The following DOP1B variants were observed in gnomAD, a reference collection of about 807,000 sequenced individuals.
DOP1B encodes DOP1 leucine zipper like protein B, also known as protein DOP1B.
A neutral mutation model predicts 233.5 loss-of-function variants in DOP1B; 174 were observed. The observed-to-expected ratio is 0.75, with a 90% confidence interval of 0.66 to 0.85. The LOEUF (loss-of-function observed/expected upper bound fraction) is 0.85. DOP1B is among the 40% of genes least tolerant of loss of function. The pLI is 0.00. For synonymous variants in DOP1B, 1,190 were observed against 1,185.6 expected (o/e 1.00, Z -0.08); for missense variants, 2,652 against 2,846.6 (o/e 0.93, Z 1.56).
intron 15 of DOP1B, among the ~76,000 whole-genome samples, chr21:36,233,998 C>T (rs2066797539): frequency 6.6e-6 from 1 of 152,038 alleles, no homozygotes; most frequent in Non-Finnish European, 1.5e-5. Context: ...GGACTACAGG[C>T]ACCTGCCACC....
chr21:36,203,681 A>G (rs1008646817), intron 4 of DOP1B, among the ~76,000 whole-genome samples: 11 of 152,100 alleles, frequency 7.2e-5, no homozygotes, highest in African/African-American at 2.7e-4. Flanking sequence ...TAGAAATTGC[A>G]AAGTGGTGAG....
intron 23 of DOP1B, among the ~76,000 whole-genome samples, chr21:36,258,154 A>G (rs1046739974): frequency 6.6e-6 from 1 of 152,158 alleles, no homozygotes; most frequent in African/African-American, 2.4e-5. Flanking sequence ...TCACTCCTGT[A>G]ATCCCAGCAC....
At chr21:36,252,316 G>A (rs1226002290) in intron 22 of DOP1B, among the ~76,000 whole-genome samples, 1 of 151,502 alleles carries the variant, frequency 6.6e-6, no homozygotes, top group African/African-American at 2.4e-5. Flanking sequence ...TTGTTAGCTG[G>A]GCATGGTGGT....
Position 36,231,688 on chromosome 21 carries a change from T to G in DOP1B, c.2350+554T>G, listed in dbSNP as rs191574312. On this transcript the variant is annotated intron_variant, in intron 14 of 36. Transcript: ENST00000691173. Reference sequence around the variant, plus strand: ...TGTGTTGGGTTTTTTTGTTTTTTTTTTTTTTTTGAGACAGGGTCTGGCTCT... The same window carrying G: ...TGTGTTGGGTTTTTTTGTTTTTTTTGTTTTTTTGAGACAGGGTCTGGCTCT... Among the ~76,000 whole-genome samples the G allele has an allele frequency of 3.3e-5, 5 of 150,650 alleles. No individual in the cohort carries two copies. In the East Asian group the frequency reaches 5.8e-4, roughly 18 times the overall value.
intron 2 of DOP1B, among the ~76,000 whole-genome samples, chr21:36,184,059 C>CT (rs1158076304): frequency 1.3e-5 from 2 of 149,606 alleles, no homozygotes; most frequent in African/African-American, 4.9e-5. Flanking sequence ...TCTATTTTAT[C>CT]TTTTTTTGAG....
chr21:36,168,685 C>T (rs1181680250), intron 2 of DOP1B, among the ~76,000 whole-genome samples: 1 of 151,938 alleles, frequency 6.6e-6, no homozygotes, highest in South Asian at 2.1e-4. Context: ...AGCGACCATG[C>T]CTGGCTAATT....
chr21:36,162,502 A>G (rs1352430902), intron 1 of DOP1B, among the ~76,000 whole-genome samples: 1 of 152,124 alleles, frequency 6.6e-6, no homozygotes, highest in Non-Finnish European at 1.5e-5. Context: ...CCCTTTTAAA[A>G]GAGCACTAAT....
At chr21:36,277,904 A>G (rs970104931) in intron 28 of DOP1B, 71 bp from the exon 29 acceptor site, 106 of 1,250,174 alleles carry the variant, frequency 8.5e-5, no homozygotes, top group Non-Finnish European at 8.2e-6. Context: ...AGCCTCCCGA[A>G]GTGCTGGGAT....
chr21:36,243,172 G>T (rs2066911735), intron 18 of DOP1B, among the ~76,000 whole-genome samples: 1 of 151,556 alleles, frequency 6.6e-6, no homozygotes, highest in African/African-American at 2.4e-5. Flanking sequence ...TAGAGATGGG[G>T]TTTCGCCATG....
Position 36,230,518 on chromosome 21 carries a change from T to C in DOP1B, c.1734T>C (p.Asp578=), listed in dbSNP as rs1601430474. The C allele has an allele frequency of 3.1e-6, 5 of 1,613,884 alleles. No individual in the cohort carries two copies. The highest frequency in any genetic ancestry group is 4.5e-5 in the East Asian group (2 of 44,860). ...ETKAVIPGDE[D]ASFPPLKSED... The stretch of plus-strand genomic sequence containing the variant: ...AGGCAGTGATTCCCGGTGACGAAGA[T>C]GCTTCGTTTCCCCCTCTGAAGTCTG... Residue 578 remains aspartate, a synonymous_variant, in exon 14 of 37, where the codon GAT becomes GAC. Coordinates refer to ENST00000691173, the MANE Select transcript of DOP1B (RefSeq NM_001320714.2).
At position 36,161,511 on chromosome 21, in the gene DOP1B, GTGT is replaced by G. The variant is rs1050050098; in HGVS notation, c.-26-3183_-26-3181del. On this transcript the variant is annotated intron_variant, in intron 1 of 36. Transcript: ENST00000691173. ...AAAATTCATTCAAGTGTATAATTCAGTGTTGTTGTTGTTGTTTTTGAGACAGGG... is the reference window on the plus strand; with the variant it reads ...AAAATTCATTCAAGTGTATAATTCAGTGTTGTTGTTGTTTTTGAGACAGGG... Among the ~76,000 whole-genome samples, 77 of 152,158 alleles carry G rather than the reference GTGT, an allele frequency of 5.1e-4. 1 individual carries two copies. Among genetic ancestry groups the G allele is most frequent in the Admixed American group, 3.9e-4 (6 of 15,262 alleles).
Position 36,246,405 on chromosome 21 carries a change from C to A in DOP1B, c.4425C>A (p.Ala1475=). The A allele has an allele frequency of 6.2e-7, 1 of 1,613,456 alleles. No homozygotes were observed. The highest frequency in any genetic ancestry group is 1.1e-5 in the South Asian group (1 of 91,032). The change falls in exon 19 of 37, where the codon GCC becomes GCA. Residue 1475 remains alanine, a synonymous_variant. Coordinates refer to ENST00000691173, the MANE Select transcript of DOP1B (RefSeq NM_001320714.2). The surrounding 1 kb of genome is among the most constrained non-coding windows in gnomAD (Gnocchi z 5.1). ...ACCTGTCCCGGGAGTGGCAGAGAGC[C>A]CTGAACTTCCAGCAGGCCATCAGCG... ...QPDLSREWQR[A]LNFQQAISAL... is the part of the protein sequence containing the mutation.
At chr21:36,251,095 G>T in intron 21 of DOP1B, 67 bp from the exon 22 acceptor site, 1 of 1,556,280 alleles carries the variant, frequency 6.4e-7, no homozygotes. Context: ...AGCAGTGGTG[G>T]TTCAATGTAT....
intron 10 of DOP1B, among the ~76,000 whole-genome samples, chr21:36,220,381 C>G (rs1234724945): frequency 6.6e-6 from 1 of 152,132 alleles, no homozygotes; most frequent in African/African-American, 2.4e-5. Context: ...CAGAGAAAAC[C>G]ATAAAACATT....
At chr21:36,167,689 C>T (rs2065925710) in intron 2 of DOP1B, among the ~76,000 whole-genome samples, 3 of 152,096 alleles carry the variant, frequency 2.0e-5, no homozygotes, top group African/African-American at 7.2e-5. Context: ...CGTACCCATT[C>T]AGCAGTTCCT....
intron 26 of DOP1B, among the ~76,000 whole-genome samples, chr21:36,267,941 G>C (rs2067249452): frequency 6.6e-6 from 1 of 152,096 alleles, no homozygotes; most frequent in Non-Finnish European, 1.5e-5. Context: ...AATAATAAGG[G>C]TCTAACAAAG....
At chr21:36,271,908 G>A (rs1255176756) in intron 27 of DOP1B, among the ~76,000 whole-genome samples, 2 of 151,866 alleles carry the variant, frequency 1.3e-5, no homozygotes, top group South Asian at 2.1e-4. Flanking sequence ...TGAGGTGGGC[G>A]GGTCGCCTGA....
At chr21:36,170,393 G>A in intron 2 of DOP1B, 1 of 215,372 alleles carries the variant, frequency 4.6e-6, no homozygotes, top group East Asian at 1.5e-4. Flanking sequence ...GTCAAAAGAT[G>A]GAGACCACCC....
In DOP1B at chr21:36,237,245, C is replaced by G. The variant is rs759115816; in HGVS notation, c.2623-17C>G. The G allele has an allele frequency of 6.2e-7, 1 of 1,614,126 alleles. No individual in the cohort carries two copies. Among genetic ancestry groups the G allele is most frequent in the South Asian group, 1.1e-5 (1 of 91,086 alleles). On this transcript the variant is annotated splice_polypyrimidine_tract_variant and intron_variant, in intron 15 of 36. Transcript: ENST00000691173. ...TGTTGACCTGGTCCCCCACCGCCTG[C>G]CTTTTCCTTGTCCCAGAGGGTGGCT...
Sources: gnomAD v4.1 joint callset for allele counts (sites outside exome capture counted in the v4.1 genomes callset) on GRCh38, gnomAD v4.1.1 for gene constraint, Gnocchi (gnomAD v3.1) non-coding constraint, MANE v1.5 for transcripts, NCBI Gene and HGNC (gene_info 2026-07-23, HGNC 2026-07-21) for gene names.